SPTAN1: variants seen among roughly 807,000 people sequenced by gnomAD.
The protein encoded by SPTAN1 is spectrin alpha, non-erythrocytic 1.
In SPTAN1, 61 loss-of-function variants were observed where a neutral mutation model predicts 331.3. The observed-to-expected ratio is 0.18, with a 90% CI of 0.15 to 0.23. The LOEUF is 0.23. Among genes scored for constraint, SPTAN1 ranks in the 10% least tolerant of loss-of-function variants. The probability of loss-of-function intolerance (pLI) is 1.00; values close to 1 mark genes in which losing one functional copy is unlikely to be tolerated. For missense variants in SPTAN1, 2,043 were observed against 3,147.9 expected (o/e 0.65, Z 8.40); for synonymous variants, 1,153 against 1,173.9 (o/e 0.98, Z 0.36).
intron 21 of SPTAN1, among the ~76,000 whole-genome samples, chr9:128,589,733 G>A (rs948258483): frequency 2.0e-5 from 3 of 151,370 alleles, no homozygotes; most frequent in East Asian, 1.9e-4. Flanking sequence ...CTGCCACCAC[G>A]CCCGGCTAAT....
intron 24 of SPTAN1, among the ~76,000 whole-genome samples, chr9:128,597,374 A>T (rs1854452420): frequency 6.6e-6 from 1 of 152,102 alleles, no homozygotes; most frequent in Non-Finnish European, 1.5e-5. Flanking sequence ...TGATAAAATT[A>T]TTTGCTGGGC....
rs1247229390 is a variant in SPTAN1, at chr9:128,609,743, T to C, written c.4773+78T>C. 4 of 975,210 alleles carry C rather than the reference T, an allele frequency of 4.1e-6. No homozygotes were observed. In the East Asian group the frequency reaches 8.2e-5, roughly 20 times the overall value. The allele number at this position is 975,210 out of a possible 1,614,324, so 60.4% of individuals were successfully genotyped here. On this transcript the variant is annotated intron_variant, in intron 37 of 56. Transcript: ENST00000372739. ...GTTACTCTGCGTAGATTATTGTTAT[T>C]ATTGTGGTCACACGGTTTGCTGGTG...
At chr9:128,582,944 T>A in intron 14 of SPTAN1, 95 bp downstream of exon 14, 1 of 1,591,814 alleles carries the variant, frequency 6.3e-7, no homozygotes, top group Non-Finnish European at 8.6e-7. Flanking sequence ...AATAAGGGAT[T>A]CCAGAAACCC....
chr9:128,559,363 C>T (rs185504943), intron 1 of SPTAN1, among the ~76,000 whole-genome samples: 32 of 152,176 alleles, frequency 2.1e-4, no homozygotes, highest in South Asian at 4.2e-4. Context: ...GGAACCTTTG[C>T]GATATTATGA....
intron 3 of SPTAN1, 104 bp downstream of exon 3, chr9:128,569,001 G>C: frequency 6.6e-7 from 1 of 1,507,446 alleles, no homozygotes; most frequent in Non-Finnish European, 9.2e-7. Flanking sequence ...GACTTTTCCA[G>C]CTTTTAAAAG....
At chr9:128,561,681 A>AAAAAAAAAAAAAAAAAAAAC (rs1849382233) in intron 1 of SPTAN1, among the ~76,000 whole-genome samples, 1 of 145,348 alleles carries the variant, frequency 6.9e-6, no homozygotes, top group African/African-American at 2.5e-5. Flanking sequence ...AAAAAAAAAA[A>AAAAAAAAAAAAAAAAAAAAC]AAAAAAAGAA....
Position 128,632,844 on chromosome 9 carries a change from C to T in SPTAN1, c.7197C>T (p.Phe2399=). The T allele has an allele frequency of 1.2e-6, 2 of 1,614,094 alleles. No homozygotes were observed. Among genetic ancestry groups the T allele is most frequent in the South Asian group, 1.1e-5 (1 of 91,084 alleles). ...TCTCCTTGCAAGAATACATGGCTTT[C>T]ATGATCAGCCGCGAAACTGAGAACG... ...GHVSLQEYMA[F]MISRETENVK... The change falls in exon 56 of 57, where the codon TTC becomes TTT. Residue 2399 remains phenylalanine (F), a synonymous_variant. Coordinates refer to ENST00000372739, the MANE Select transcript of SPTAN1 (RefSeq NM_001130438.3).
chr9:128,559,719 A>G (rs1404930376), intron 1 of SPTAN1, among the ~76,000 whole-genome samples: 1 of 152,092 alleles, frequency 6.6e-6, no homozygotes, highest in Non-Finnish European at 1.5e-5. Context: ...CCAAGACTCA[A>G]TCTTAAATAA....
At chr9:128,568,946 T>C (rs756627870) in intron 3 of SPTAN1, 49 bp downstream of exon 3, 2 of 1,612,074 alleles carry the variant, frequency 1.2e-6, no homozygotes, top group Non-Finnish European at 1.7e-6. Flanking sequence ...GGGTGGAGCA[T>C]TGTAGATTCA....
intron 1 of SPTAN1, among the ~76,000 whole-genome samples, chr9:128,560,377 C>T (rs1589124819): frequency 1.3e-5 from 2 of 150,680 alleles, no homozygotes; most frequent in Non-Finnish European, 3.0e-5. Context: ...AGCCACCGTG[C>T]CCGCCTTTTT....
In SPTAN1 at chr9:128,593,021, G is replaced by A. The variant is rs199561983; in HGVS notation, c.3194G>A (p.Arg1065His). 12 of 1,610,210 alleles carry A rather than the reference G, an allele frequency of 7.5e-6. No homozygotes were observed. Among genetic ancestry groups the A allele is most frequent in the Middle Eastern group, 3.3e-4 (2 of 6,056 alleles). The change falls in exon 23 of 57, where the codon CGT becomes CAT. Residue 1065 changes from arginine (R) to histidine (H), a missense_variant. Physicochemically the swap from Arg to His is conservative, Grantham distance 29. Around this residue, in one of 12 missense-constraint regions of SPTAN1, gnomAD observed 1,038 missense variants for 1,531.5 expected, o/e 0.68. Transcript: ENST00000372739. ...ITKEAGSVSL[R>H]MKQVEELYHS... ...AAGGAGGCCGGCAGTGTATCTCTGC[G>A]TATGAAGCAGGTGGAAGAACTGTGA...
At position 128,605,091 on chromosome 9, in the gene SPTAN1, C is replaced by T; in HGVS notation, c.3777C>T (p.Asp1259=). Residue 1259 remains aspartate, a synonymous_variant, in exon 30 of 57, where the codon GAC becomes GAT. Transcript: ENST00000372739. ...IEEKNQALNT[D]NYGHDLASVQ... is the part of the protein sequence containing the mutation. ...AGAAGAATCAAGCTCTAAACACAGA[C>T]AATTATGGACATGATCTCGCCAGTG... is the stretch of plus-strand genomic sequence containing the variant. 1 of 1,613,818 alleles carries T rather than the reference C, an allele frequency of 6.2e-7. No homozygotes were observed. Among genetic ancestry groups the T allele is most frequent in the Non-Finnish European group, 8.5e-7 (1 of 1,179,992 alleles).
At chr9:128,567,097 T>C (rs1258691820) in intron 2 of SPTAN1, 120 bp downstream of exon 2, 33 of 1,398,472 alleles carry the variant, frequency 2.4e-5, no homozygotes, top group Non-Finnish European at 3.3e-5. Flanking sequence ...AAGAATATAA[T>C]AAGGAAGGAC....
At chr9:128,580,416 A>T (rs867500822) in intron 10 of SPTAN1, among the ~76,000 whole-genome samples, 2 of 151,972 alleles carry the variant, frequency 1.3e-5, no homozygotes, top group Non-Finnish European at 2.9e-5. Flanking sequence ...GCCTAGGAAC[A>T]TTAGATAAAT....
In SPTAN1 at chr9:128,597,191, G is replaced by A. The variant is rs112985040; in HGVS notation, c.3415-1209G>A. Among the ~76,000 whole-genome samples the A allele has an allele frequency of 5.7e-3, 870 of 152,174 alleles. 4 individuals carry two copies. The highest frequency in any genetic ancestry group is 8.7e-3 in the Non-Finnish European group (589 of 67,998). ...GAAAAAAAAGAAAAAAAATTTTTCT[G>A]TAGAGATAGGGGTCTGGTTATGTTG... On this transcript the variant is annotated intron_variant, in intron 24 of 56. Transcript: ENST00000372739.
Position 128,566,831 on chromosome 9 carries a change from G to C in SPTAN1, c.91G>C (p.Glu31Gln), listed in dbSNP as rs1303708926. The change falls in exon 2 of 57, where the codon GAA becomes CAA. Residue 31 changes from glutamate to glutamine, a missense_variant. Physicochemically the swap from Glu to Gln is conservative, Grantham distance 29. Coordinates refer to ENST00000372739, the MANE Select transcript of SPTAN1 (RefSeq NM_001130438.3). ...QVLDRYHRFKELSTLRRQKLE... is the reference protein window; with the variant it reads ...QVLDRYHRFKQLSTLRRQKLE... ...CCTAGACCGATACCACCGCTTCAAG[G>C]AACTCTCAACCCTTAGGCGTCAGAA... 1 of 1,614,090 alleles carries C rather than the reference G, an allele frequency of 6.2e-7. No homozygotes were observed. Among genetic ancestry groups the C allele is most frequent in the Non-Finnish European group, 8.5e-7 (1 of 1,180,038 alleles).
At chr9:128,603,061 GTTGCCCTTC>G (rs1855382362) in intron 27 of SPTAN1, among the ~76,000 whole-genome samples, 1 of 152,110 alleles carries the variant, frequency 6.6e-6, no homozygotes, top group Non-Finnish European at 1.5e-5. Flanking sequence ...TGGTAAAGCC[GTTGCCCTTC>G]AACGGGGATA....
intron 1 of SPTAN1, among the ~76,000 whole-genome samples, chr9:128,565,087 G>A (rs905836557): frequency 6.6e-6 from 1 of 152,084 alleles, no homozygotes; most frequent in African/African-American, 2.4e-5. Flanking sequence ...GGCAGATCAC[G>A]AGGTCAAGAG....
At position 128,629,777 on chromosome 9, in the gene SPTAN1, A is replaced by C. The variant is rs1389174720; in HGVS notation, c.6708-544A>C. 1 of 227,180 alleles carries C rather than the reference A, an allele frequency of 4.4e-6. No individual in the cohort carries two copies. The highest frequency in any genetic ancestry group is 8.9e-6 in the Non-Finnish European group (1 of 112,282). 14.1% of individuals were successfully genotyped at this position (227,180 alleles called of 1,614,324 possible). A position where few individuals can be genotyped will look rare whatever the true frequency, so the allele number is the denominator to read the frequency against. The stretch of plus-strand genomic sequence containing the variant: ...ACAGCCATCTCTCTCCTTTTGGCAC[A>C]GTTGGTCGTGATCTCCCAGCACTCC... On this transcript the variant is annotated intron_variant, in intron 51 of 56. Coordinates refer to ENST00000372739, the MANE Select transcript of SPTAN1 (RefSeq NM_001130438.3). The surrounding 1 kb of genome is among the most constrained non-coding windows in gnomAD (Gnocchi z 4.9).
Sources: allele counts gnomAD v4.1 joint callset (sites outside exome capture counted in the v4.1 genomes callset), GRCh38; gene constraint gnomAD v4.1.1; regional missense constraint gnomAD v4.1.1; non-coding constraint Gnocchi (gnomAD v3.1); transcripts MANE v1.5; gene names NCBI Gene and HGNC (gene_info 2026-07-23, HGNC 2026-07-21).